The following NEK1 variants were observed in gnomAD, a reference collection of about 807,000 sequenced individuals.
NEK1 encodes NIMA related kinase 1.
A neutral mutation model predicts 182.1 loss-of-function variants in NEK1; 137 were observed. The observed-to-expected ratio is 0.75, with a 90% CI of 0.65 to 0.87. NEK1 has a LOEUF of 0.87. Among genes scored for constraint, NEK1 ranks in the 40% least tolerant of loss-of-function variants. The pLI, the probability that NEK1 is intolerant of heterozygous loss-of-function variation, is 0.00. For missense variants in NEK1, 1,391 were observed against 1,494.4 expected, an observed-to-expected ratio of 0.93 and a Z score of 1.14; for synonymous variants, 513 against 492.2, an observed-to-expected ratio of 1.04 and a Z score of -0.56.
chr4:169,508,769 CTCTTCCTCTTTGTT>C lies in NEK1; in HGVS notation c.1735_1748del (p.Asn579GlyfsTer16). On this transcript the variant is annotated frameshift_variant and splice_region_variant, in exon 20 of 36. Transcript: ENST00000507142. LOFTEE classifies it high-confidence loss of function. ...GGTAGCGAACATGCGGGAAGCATAC[CTCTTCCTCTTTGTT>C]TCTTGGCTTCCCTCCTCTTGAAGAG... 6.4e-7 allele frequency: 1 copy of C among 1,573,092 alleles called. No individual in the cohort carries two copies. The highest frequency in any genetic ancestry group is 8.6e-7 in the Non-Finnish European group (1 of 1,166,216).
At chr4:169,510,062 C>T (rs1045870337) in intron 19 of NEK1, among the ~76,000 whole-genome samples, 1 of 152,142 alleles carries the variant, frequency 6.6e-6, no homozygotes, top group Non-Finnish European at 1.5e-5. Flanking sequence ...TCTTCTCTTT[C>T]AGTATTTATA....
At chr4:169,502,571 G>C (rs1418784283) in intron 23 of NEK1, among the ~76,000 whole-genome samples, 1 of 152,038 alleles carries the variant, frequency 6.6e-6, no homozygotes, top group East Asian at 1.9e-4. Context: ...TGCAAGGATG[G>C]TTCAACACAC....
chr4:169,485,677 T>C (rs182595936), intron 23 of NEK1, among the ~76,000 whole-genome samples: 2 of 152,338 alleles, frequency 1.3e-5, no homozygotes, highest in African/African-American at 4.8e-5. Flanking sequence ...AATTTTATTA[T>C]ACAATTGATC....
At chr4:169,589,175 CTGTACCGGTT>C (rs1312044971) in intron 7 of NEK1, among the ~76,000 whole-genome samples, 3 of 152,170 alleles carry the variant, frequency 2.0e-5, no homozygotes, top group African/African-American at 7.2e-5. Context: ...ACAGAACATG[CTGTACCGGTT>C]TGTAGCCCAG....
At chr4:169,489,125 T>C (rs1221190714) in intron 23 of NEK1, among the ~76,000 whole-genome samples, 1 of 152,218 alleles carries the variant, frequency 6.6e-6, no homozygotes, top group Non-Finnish European at 1.5e-5. Flanking sequence ...CATTTCCTTA[T>C]GCACAGCTCT....
At chr4:169,436,931 A>G (rs1738520096) in intron 28 of NEK1, among the ~76,000 whole-genome samples, 4 of 152,262 alleles carry the variant, frequency 2.6e-5, no homozygotes, top group Non-Finnish European at 5.9e-5. Context: ...TGTTAACCAC[A>G]GTGAGTATCA....
intron 2 of NEK1, among the ~76,000 whole-genome samples, chr4:169,605,771 C>T (rs893843175): frequency 9.2e-5 from 14 of 152,192 alleles, no homozygotes; most frequent in Non-Finnish European, 2.1e-4. Context: ...ACTTTACTCA[C>T]TCTATAGTGT....
At chr4:169,424,386 G>GT (rs1736002829) in intron 31 of NEK1, among the ~76,000 whole-genome samples, 167 bp downstream of exon 31, 1 of 152,112 alleles carries the variant, frequency 6.6e-6, no homozygotes, top group Non-Finnish European at 1.5e-5. Context: ...CTTTATCCTA[G>GT]TTGTACTCTC....
At chr4:169,417,484 T>C (rs1460892434) in intron 31 of NEK1, among the ~76,000 whole-genome samples, 1 of 152,126 alleles carries the variant, frequency 6.6e-6, no homozygotes, top group Non-Finnish European at 1.5e-5. Context: ...TAGGAAACAA[T>C]TGGTTGATAT....
Position 169,425,545 on chromosome 4 carries a change from CA to C in NEK1, c.2974+600del, listed in dbSNP as rs564827089. Among the ~76,000 whole-genome samples the C allele has an allele frequency of 2.0e-5, 3 of 151,344 alleles. No homozygotes were observed. The East Asian group carries it at 5.8e-4, about 29-fold the overall frequency. On this transcript the variant is annotated intron_variant, in intron 30 of 35. Transcript: ENST00000507142. Reference sequence around the variant, plus strand: ...TTTGTTCCTATAGGTTAGATGAAAACAATTATTTTTTCTTTTCTTTTTAAGA... The same window carrying C: ...TTTGTTCCTATAGGTTAGATGAAAACATTATTTTTTCTTTTCTTTTTAAGA...
rs761593810 is a variant in NEK1, at chr4:169,404,453, G to A, written c.3374+2143C>T. On this transcript the variant is annotated intron_variant, in intron 32 of 35. Coordinates refer to ENST00000507142, the MANE Select transcript of NEK1 (RefSeq NM_001199397.3). ...AAACCAGAAAATAAAATGTGCCAGCGGCATCGATCCTACGTAACTCAATAC... is the reference window on the plus strand; with the variant it reads ...AAACCAGAAAATAAAATGTGCCAGCAGCATCGATCCTACGTAACTCAATAC... Among the ~76,000 whole-genome samples the A allele has an allele frequency of 2.6e-5, 4 of 152,150 alleles. No individual in the cohort carries two copies. The East Asian group carries it at 5.8e-4, about 22-fold the overall frequency.
chr4:169,547,307 C>A (rs1199124638), intron 18 of NEK1, among the ~76,000 whole-genome samples: 1 of 152,204 alleles, frequency 6.6e-6, no homozygotes, highest in African/African-American at 2.4e-5. Flanking sequence ...GACCCCCACT[C>A]TCTTCTGGCT....
intron 26 of NEK1, among the ~76,000 whole-genome samples, chr4:169,475,039 A>G (rs1746694521): frequency 1.3e-5 from 2 of 152,130 alleles, no homozygotes; most frequent in Non-Finnish European, 2.9e-5. Context: ...GGGAAAAAAC[A>G]AAAACAAAAA....
rs77658514 is a variant in NEK1, at chr4:169,438,071, A to T, written c.2764+12T>A. 0.02 allele frequency: 31,767 copies of T among 1,600,306 alleles called. 391 individuals carry two copies. The highest frequency in any genetic ancestry group is 0.023 in the Non-Finnish European group (27,508 of 1,171,444). On this transcript the variant is annotated intron_variant, in intron 28 of 35. Transcript: ENST00000507142. ...AATCAAATATAGCTCATTTTGACTCATTAGAACATACCTTCTAAATTTCCT... is the reference window on the plus strand; with the variant it reads ...AATCAAATATAGCTCATTTTGACTCTTTAGAACATACCTTCTAAATTTCCT...
chr4:169,602,228 GA>G, intron 3 of NEK1, 124 bp from the exon 4 acceptor site: 1 of 702,918 alleles, frequency 1.4e-6, no homozygotes, highest in Non-Finnish European at 2.4e-6. Context: ...AATATAGCAA[GA>G]AGTTAAAAAG....
chr4:169,528,101 C>T (rs1757155977), intron 19 of NEK1, among the ~76,000 whole-genome samples: 1 of 152,108 alleles, frequency 6.6e-6, no homozygotes, highest in South Asian at 2.1e-4. Context: ...ATAAGATGGC[C>T]TCCATGATGC....
chr4:169,594,348 A>T (rs749482535), intron 5 of NEK1, among the ~76,000 whole-genome samples: 5 of 152,318 alleles, frequency 3.3e-5, no homozygotes, highest in Non-Finnish European at 7.4e-5. Context: ...AATTTTTTAA[A>T]GGCATGAGCT....
At chr4:169,556,952 G>A (rs1263335092) in intron 16 of NEK1, among the ~76,000 whole-genome samples, 1 of 152,172 alleles carries the variant, frequency 6.6e-6, no homozygotes, top group African/African-American at 2.4e-5. Flanking sequence ...AAAGTATTAA[G>A]TATTAAGTTT....
intron 12 of NEK1, among the ~76,000 whole-genome samples, chr4:169,571,000 C>T (rs749456460): frequency 6.6e-6 from 1 of 151,742 alleles, no homozygotes; most frequent in Admixed American, 6.6e-5. Context: ...TAAGAGTCAT[C>T]ACCACTCCCT....
Sources: allele counts gnomAD v4.1 joint callset (sites outside exome capture counted in the v4.1 genomes callset), GRCh38; gene constraint gnomAD v4.1.1; transcripts MANE v1.5; gene names NCBI Gene and HGNC (gene_info 2026-07-23, HGNC 2026-07-21).